Variants in PRAP1 observed in about 807,000 individuals in gnomAD.
PRAP1 encodes the protein proline rich acidic protein 1.
PRAP1 carries 12 observed loss-of-function variants against 14.6 expected under a neutral mutation model. That is an observed-to-expected ratio of 0.82 (90% CI 0.53 to 1.33). The LOEUF (loss-of-function observed/expected upper bound fraction) is 1.33, where lower values mean the gene tolerates loss of function less well. PRAP1 is among the 40% of genes most tolerant of loss of function. The pLI is 0.00. For synonymous variants in PRAP1, 81 were observed against 80.3 expected, an observed-to-expected ratio of 1.01 and a Z score of -0.04; for missense variants, 160 against 193.7, an observed-to-expected ratio of 0.83 and a Z score of 1.03.
chr10:133,350,141 G>C lies in PRAP1; in HGVS notation c.55G>C (p.Gly19Arg), dbSNP rs1337745062. 1.9e-6 allele frequency: 3 copies of C among 1,613,460 alleles called. No individual in the cohort carries two copies. The highest frequency in any genetic ancestry group is 1.7e-6 in the Non-Finnish European group (2 of 1,179,782). The stretch of plus-strand genomic sequence containing the variant: ...GGTGGTTGTGCTGCTGTGGGAGGCA[G>C]GTGCAGTCCCAGCACCCAAGGTAGG... ...SLVVVLLWEA[G>R]AVPAPKVPIK... The change falls in exon 2 of 5, where the codon GGT becomes CGT. Residue 19 changes from glycine to arginine, a missense_variant. Physicochemically the swap from Gly to Arg is moderately radical, Grantham distance 125. Transcript: ENST00000433452.
At chr10:133,350,462 G>C in intron 2 of PRAP1, 1 of 333,942 alleles carries the variant, frequency 3.0e-6, no homozygotes, top group South Asian at 8.3e-5. Context: ...ATGAGCCCCC[G>C]TGACCCCAGG....
chr10:133,350,564 G>A (rs181495390), intron 2 of PRAP1: 7 of 191,546 alleles, frequency 3.7e-5, no homozygotes, highest in South Asian at 1.4e-4. Flanking sequence ...AGGAGGGCCC[G>A]GATGACACCC....
Position 133,352,306 on chromosome 10 carries a change from G to A in PRAP1, c.322G>A (p.Asp108Asn), listed in dbSNP as rs144315457. 7.6e-5 allele frequency: 123 copies of A among 1,612,960 alleles called. No homozygotes were observed. Among genetic ancestry groups the A allele is most frequent in the Non-Finnish European group, 9.7e-5 (114 of 1,179,996 alleles). ...TLGHVLSPEPDHDSLYHPPPE... is the reference protein window; with the variant it reads ...TLGHVLSPEPNHDSLYHPPPE... ...GGGCCATGTCCTGAGTCCCGAGCCC[G>A]ACCATGACAGCCTGTACCACCCTCC... The change falls in exon 5 of 5, where the codon GAC becomes AAC. Residue 108 changes from aspartate (D) to asparagine (N), a missense_variant. Asp to Asn is a conservative substitution (Grantham distance 23). Transcript: ENST00000433452.
rs759778762 is a variant in PRAP1 at position 133,352,403 on chromosome 10, C to T, written c.419C>T (p.Pro140Leu). Residue 140 changes from proline to leucine, a missense_variant, in exon 5 of 5, where the codon CCG (proline) becomes CTG (leucine). Coordinates refer to ENST00000433452, the MANE Select transcript of PRAP1 (RefSeq NM_145202.5). ...CCAAATCACCAGGTGCTCCTGGGAC[C>T]GGAGGAAGACCAAGACCACATCTAC... ...VMPNHQVLLGPEEDQDHIYHP... is the reference protein window; with the variant it reads ...VMPNHQVLLGLEEDQDHIYHP... 1.1e-5 allele frequency: 17 copies of T among 1,612,852 alleles called. No individual in the cohort carries two copies. Among genetic ancestry groups the T allele is most frequent in the Admixed American group, 5.0e-5 (3 of 59,998 alleles).
Position 133,347,512 on chromosome 10 carries a change from C to A in PRAP1, c.8+87C>A. 1 of 1,341,748 alleles carries A rather than the reference C, an allele frequency of 7.5e-7. No homozygotes were observed. The highest frequency in any genetic ancestry group is 1.0e-6 in the Non-Finnish European group (1 of 971,970). 83.1% of individuals were successfully genotyped at this position (1,341,748 alleles called of 1,614,324 possible). ...AGCCAGAGGGGGCCCAGCTGTGCTG[C>A]GCTCCAGGGGGCCTGGTTCAGGGGA... On this transcript the variant is annotated intron_variant, in intron 1 of 4. Coordinates refer to ENST00000433452, the MANE Select transcript of PRAP1 (RefSeq NM_145202.5). The surrounding 1 kb of genome is among the most constrained non-coding windows in gnomAD (Gnocchi z 5.0).
Position 133,351,047 on chromosome 10 carries a change from G to C in PRAP1, c.76-334G>C, listed in dbSNP as rs1435791985. On this transcript the variant is annotated intron_variant, in intron 2 of 4. Coordinates refer to ENST00000433452, the MANE Select transcript of PRAP1 (RefSeq NM_145202.5). The surrounding 1 kb of genome is among the most constrained non-coding windows in gnomAD (Gnocchi z 4.3). Reference sequence around the variant, plus strand: ...ACCCAACCAGTCACTGCAGAAAACAGCCAGTGCATTGACGGCCAGGGTTGG... The same window carrying C: ...ACCCAACCAGTCACTGCAGAAAACACCCAGTGCATTGACGGCCAGGGTTGG... 6.6e-6 allele frequency among the ~76,000 whole-genome samples: 1 copy of C among 152,208 alleles called. No individual in the cohort carries two copies. The highest frequency in any genetic ancestry group is 1.5e-5 in the Non-Finnish European group (1 of 68,028).
At chr10:133,350,009 C>T (rs1050198673) in intron 1 of PRAP1, 86 bp from the exon 2 acceptor site, 69 of 1,189,402 alleles carry the variant, frequency 5.8e-5, no homozygotes, top group Non-Finnish European at 7.8e-5. Context: ...CCAGCCCAGG[C>T]CTCCCAGCTG....
rs968912002 is a variant in PRAP1, at chr10:133,350,296, G to T, written c.75+135G>T. 4.1e-6 allele frequency: 3 copies of T among 730,168 alleles called. No homozygotes were observed. In the Admixed American group the frequency reaches 7.4e-5, roughly 18 times the overall value. The allele number at this position is 730,168 out of a possible 1,614,324, so 45.2% of individuals were successfully genotyped here. On this transcript the variant is annotated intron_variant, in intron 2 of 4. Coordinates refer to ENST00000433452, the MANE Select transcript of PRAP1 (RefSeq NM_145202.5). ...GCTTAGGGGAGAGAGGCATGGGTAC[G>T]CTCATGACTCTTGATGCCTGTGCAG...
At chr10:133,349,230 T>C (rs1250337478) in intron 1 of PRAP1, among the ~76,000 whole-genome samples, 1 of 146,716 alleles carries the variant, frequency 6.8e-6, no homozygotes, top group African/African-American at 2.5e-5. Flanking sequence ...AACACATACA[T>C]GCACACACAG....
Position 133,352,458 on chromosome 10 carries a change from C to T in PRAP1, c.*18C>T, listed in dbSNP as rs1848697839. 13 of 1,605,302 alleles carry T rather than the reference C, an allele frequency of 8.1e-6. No homozygotes were observed. Among genetic ancestry groups the T allele is most frequent in the Non-Finnish European group, 1.1e-5 (13 of 1,174,502 alleles). ...CCCAGTAGGGCTCCAGGGGCCATCA[C>T]TGCCCCCGCCCTGTCCCAAGGCCCA... On this transcript the variant is annotated 3_prime_UTR_variant, in exon 5 of 5. Transcript: ENST00000433452.
rs766814172 is a variant in PRAP1 at position 133,350,103 on chromosome 10, T to C, written c.17T>C (p.Leu6Pro). 6.2e-7 allele frequency: 1 copy of C among 1,613,466 alleles called. No homozygotes were observed. Among genetic ancestry groups the C allele is most frequent in the South Asian group, 1.1e-5 (1 of 91,012 alleles). ...CTCTGGCCCCCCCTCAGGCTCCTCCTGGTCACCAGCCTGGTGGTTGTGCTG... is the reference window on the plus strand; with the variant it reads ...CTCTGGCCCCCCCTCAGGCTCCTCCCGGTCACCAGCCTGGTGGTTGTGCTG... The part of the protein sequence containing the change: MRRLL[L>P]VTSLVVVLLW... The change falls in exon 2 of 5, where the codon CTG becomes CCG. Residue 6 changes from leucine to proline, a missense_variant. Leu to Pro is a moderately conservative substitution (Grantham distance 98). Coordinates refer to ENST00000433452, the MANE Select transcript of PRAP1 (RefSeq NM_145202.5).
chr10:133,350,023 A>ATCAGGGTGCTGCCTGGAGT, intron 1 of PRAP1, 72 bp from the exon 2 acceptor site: 1 of 1,340,104 alleles, frequency 7.5e-7, no homozygotes, highest in Non-Finnish European at 1.0e-6. Flanking sequence ...CCAGCTGCCC[A>ATCAGGGTGCTGCCTGGAGT]TCAGGGTGCT....
intron 1 of PRAP1, 60 bp from the exon 2 acceptor site, chr10:133,350,035 C>T (rs1186609920): frequency 3.5e-5 from 53 of 1,512,960 alleles, no homozygotes; most frequent in Non-Finnish European, 9.1e-6. Context: ...CAGGGTGCTG[C>T]CTGGAGTTCA....
At chr10:133,350,305 T>G (rs1166745331) in intron 2 of PRAP1, 144 bp downstream of exon 2, 1 of 699,418 alleles carries the variant, frequency 1.4e-6, no homozygotes, top group Non-Finnish European at 2.4e-6. Context: ...CGCTCATGAC[T>G]CTTGATGCCT....
rs1848605674 is a variant in PRAP1, at chr10:133,347,547, TGGGA to T, written c.8+128_8+131del. 11 of 1,042,048 alleles carry T rather than the reference TGGGA, an allele frequency of 1.1e-5. No homozygotes were observed. Among genetic ancestry groups the T allele is most frequent in the African/African-American group, 3.3e-5 (2 of 61,310 alleles). The allele number at this position is 1,042,048 out of a possible 1,614,324, so 64.6% of individuals were successfully genotyped here. A position where few individuals can be genotyped will look rare whatever the true frequency, so the allele number is the denominator to read the frequency against. On this transcript the variant is annotated intron_variant, in intron 1 of 4. Transcript: ENST00000433452. This position sits in a 1 kb window ranked among gnomAD's most constrained non-coding sequence, Gnocchi z 5.0. ...GGCCTGGTTCAGGGGAGTGTGCGGG[TGGGA>T]GGGAGAAGGAGGGGCCCTCTGAGGG...
rs1330121323 is a variant in PRAP1 at position 133,351,253 on chromosome 10, C to T, written c.76-128C>T. On this transcript the variant is annotated intron_variant, in intron 2 of 4. Coordinates refer to ENST00000433452, the MANE Select transcript of PRAP1 (RefSeq NM_145202.5). The surrounding 1 kb of genome is among the most constrained non-coding windows in gnomAD (Gnocchi z 4.3). Reference sequence around the variant, plus strand: ...AGACGCTCGAGCTGTGCTGAGCTGGCCCTGCCCCCACCCCCTGCAGCCACC... The same window carrying T: ...AGACGCTCGAGCTGTGCTGAGCTGGTCCTGCCCCCACCCCCTGCAGCCACC... 2 of 626,718 alleles carry T rather than the reference C, an allele frequency of 3.2e-6. No individual in the cohort carries two copies. The highest frequency in any genetic ancestry group is 2.8e-5 in the East Asian group (1 of 35,792). The allele number at this position is 626,718 out of a possible 1,614,324, so 38.8% of individuals were successfully genotyped here. A position where few individuals can be genotyped will look rare whatever the true frequency, so the allele number is the denominator to read the frequency against.
chr10:133,350,246 T>C (rs905953458), intron 2 of PRAP1, 85 bp downstream of exon 2: 17 of 1,241,468 alleles, frequency 1.4e-5, no homozygotes, highest in Non-Finnish European at 1.9e-5. Context: ...AAAGGGCCCC[T>C]CTTCTGGCTT....
rs1195425619 is a variant in PRAP1, at chr10:133,350,176, C to T, written c.75+15C>T. 1 of 1,611,080 alleles carries T rather than the reference C, an allele frequency of 6.2e-7. No individual in the cohort carries two copies. The highest frequency in any genetic ancestry group is 2.2e-5 in the East Asian group (1 of 44,844). On this transcript the variant is annotated intron_variant, in intron 2 of 4. Transcript: ENST00000433452. ...CAGCACCCAAGGTAGGTGTGAGCCC[C>T]TCCCATCTGGGCAGCAACTCCAGTT...
chr10:133,351,269 T>C lies in PRAP1; in HGVS notation c.76-112T>C, dbSNP rs2133405604. The C allele has an allele frequency of 6.7e-5, 26 of 389,650 alleles. No homozygotes were observed. Among genetic ancestry groups the C allele is most frequent in the East Asian group, 1.2e-4 (2 of 16,080 alleles). The allele number at this position is 389,650 out of a possible 1,614,324, so 24.1% of individuals were successfully genotyped here. ...CTGAGCTGGCCCTGCCCCCACCCCC[T>C]GCAGCCACCTCCACCCCATGCAGCC... On this transcript the variant is annotated intron_variant, in intron 2 of 4. Transcript: ENST00000433452. The surrounding 1 kb of genome is among the most constrained non-coding windows in gnomAD (Gnocchi z 4.3).
Sources: allele counts gnomAD v4.1 joint callset (sites outside exome capture counted in the v4.1 genomes callset), GRCh38; gene constraint gnomAD v4.1.1; non-coding constraint Gnocchi (gnomAD v3.1); transcripts MANE v1.5; gene names NCBI Gene and HGNC (gene_info 2026-07-23, HGNC 2026-07-21).